JMJD1C: variants seen among roughly 807,000 people sequenced by gnomAD.
JMJD1C encodes jumonji domain containing 1C.
In JMJD1C, 31 loss-of-function variants were observed where a neutral mutation model predicts 245.3. The ratio of observed to expected loss-of-function variants is 0.13; its 90% CI spans 0.09 to 0.17. The LOEUF is 0.17. Ranked by LOEUF, JMJD1C falls within the 10% of genes least tolerant of loss-of-function variation. The probability of loss-of-function intolerance (pLI) is 1.00; values close to 1 mark genes in which losing one functional copy is unlikely to be tolerated. For missense variants in JMJD1C, 2,691 were observed against 3,000.2 expected, an observed-to-expected ratio of 0.90 and a Z score of 2.41; for synonymous variants, 1,057 against 1,017.4, an observed-to-expected ratio of 1.04 and a Z score of -0.74.
At chr10:63,173,379 T>C (rs1387921985) in intron 24 of JMJD1C, among the ~76,000 whole-genome samples, 2 of 152,106 alleles carry the variant, frequency 1.3e-5, no homozygotes, top group Non-Finnish European at 2.9e-5. Flanking sequence ...GTAGATACTA[T>C]GAAAATACCA....
chr10:63,370,178 C>T (rs955192707), intron 2 of JMJD1C, among the ~76,000 whole-genome samples: 2 of 152,156 alleles, frequency 1.3e-5, no homozygotes, highest in African/African-American at 4.8e-5. Flanking sequence ...GATTTTAATT[C>T]GTATACTTTC....
intron 1 of JMJD1C, among the ~76,000 whole-genome samples, chr10:63,477,530 G>A (rs1355849878): frequency 1.1e-4 from 16 of 141,812 alleles, no homozygotes; most frequent in Admixed American, 7.4e-4. Flanking sequence ...AAATGGTGCC[G>A]GAACAATTTG....
At chr10:63,264,143 A>C (rs1855225680) in intron 3 of JMJD1C, among the ~76,000 whole-genome samples, 1 of 152,046 alleles carries the variant, frequency 6.6e-6, no homozygotes, top group Non-Finnish European at 1.5e-5. Flanking sequence ...ATGTTTTCCT[A>C]ATTAAATGTA....
chr10:63,260,851 A>G (rs189230712), intron 3 of JMJD1C, among the ~76,000 whole-genome samples: 426 of 152,228 alleles, frequency 2.8e-3, no homozygotes, highest in Non-Finnish European at 4.1e-3. Flanking sequence ...TCGGCTTCTC[A>G]AAGTGCTGGG....
intron 2 of JMJD1C, among the ~76,000 whole-genome samples, chr10:63,340,249 C>T (rs1943245957): frequency 6.6e-6 from 1 of 152,174 alleles, no homozygotes; most frequent in Non-Finnish European, 1.5e-5. Context: ...AAAAAAGACC[C>T]TCTCAGCCCC....
chr10:63,432,353 T>A (rs1383980577), intron 1 of JMJD1C, among the ~76,000 whole-genome samples: 1 of 152,196 alleles, frequency 6.6e-6, no homozygotes, highest in Non-Finnish European at 1.5e-5. Flanking sequence ...TCCTCCTTAC[T>A]TGGTGCAAGT....
intron 1 of JMJD1C, chr10:63,427,629 G>C: frequency 2.2e-6 from 3 of 1,369,820 alleles, no homozygotes; most frequent in Non-Finnish European, 3.1e-6. Context: ...TGGAGAAACA[G>C]TGTGTTTACT....
At chr10:63,410,419 A>C (rs980810895) in intron 1 of JMJD1C, among the ~76,000 whole-genome samples, 14 of 152,198 alleles carry the variant, frequency 9.2e-5, no homozygotes, top group Non-Finnish European at 1.9e-4. Flanking sequence ...TACTGTTAAT[A>C]CTGTGAAGGA....
chr10:63,389,755 C>A (rs1370395395), intron 1 of JMJD1C, among the ~76,000 whole-genome samples: 1 of 151,848 alleles, frequency 6.6e-6, no homozygotes, highest in Non-Finnish European at 1.5e-5. Context: ...GGGAAGTGTA[C>A]GAATACATGG....
At chr10:63,513,121 A>T (rs987199815) in intron 1 of JMJD1C, among the ~76,000 whole-genome samples, 3 of 151,650 alleles carry the variant, frequency 2.0e-5, no homozygotes, top group African/African-American at 7.3e-5. Flanking sequence ...TTAATCCTAT[A>T]TTTTTTTTAA....
intron 1 of JMJD1C, chr10:63,428,087 C>G: frequency 2.1e-6 from 1 of 466,438 alleles, no homozygotes; most frequent in East Asian, 3.2e-5. Flanking sequence ...ATTAAGACAG[C>G]TGATCAATTA....
intron 2 of JMJD1C, among the ~76,000 whole-genome samples, chr10:63,309,985 A>G (rs1048903853): frequency 6.6e-6 from 1 of 152,222 alleles, no homozygotes; most frequent in East Asian, 1.9e-4. Context: ...CTACTGGACA[A>G]AAGATCACGT....
intron 1 of JMJD1C, among the ~76,000 whole-genome samples, chr10:63,415,854 C>A (rs909705266): frequency 2.6e-5 from 4 of 152,166 alleles, no homozygotes; most frequent in Non-Finnish European, 4.4e-5. Context: ...TCACTTCATT[C>A]TTAAACATTA....
intron 2 of JMJD1C, among the ~76,000 whole-genome samples, chr10:63,331,933 C>T (rs1056844386): frequency 6.6e-6 from 1 of 152,162 alleles, no homozygotes; most frequent in Non-Finnish European, 1.5e-5. Flanking sequence ...TAACAACCAA[C>T]ATACCACAGA....
intron 2 of JMJD1C, among the ~76,000 whole-genome samples, chr10:63,310,235 T>C (rs1483573740): frequency 6.6e-6 from 1 of 152,200 alleles, no homozygotes; most frequent in East Asian, 1.9e-4. Flanking sequence ...TAAAATAATA[T>C]ATAAATTCAA....
Position 63,440,355 on chromosome 10 carries a change from T to A in JMJD1C, c.168+25140A>T, listed in dbSNP as rs534144877. Reference sequence around the variant, plus strand: ...TGTCTCAAAAGAAAAAAAAAAAAAATATATATATATAGAGAGAGAGAGAGA... The same window carrying A: ...TGTCTCAAAAGAAAAAAAAAAAAAAAATATATATATAGAGAGAGAGAGAGA... On this transcript the variant is annotated intron_variant, in intron 1 of 25. Coordinates refer to ENST00000399262, the MANE Select transcript of JMJD1C (RefSeq NM_032776.3). Among the ~76,000 whole-genome samples the A allele has an allele frequency of 1.4e-3, 174 of 128,238 alleles. 2 individuals carry two copies. The highest frequency in any genetic ancestry group is 0.011 in the South Asian group (47 of 4,246). The allele number at this position is 128,238 out of a possible 152,430, so 84.1% of individuals were successfully genotyped here.
chr10:63,220,452 T>C (rs969031814), intron 3 of JMJD1C, among the ~76,000 whole-genome samples: 1 of 152,226 alleles, frequency 6.6e-6, no homozygotes, highest in East Asian at 1.9e-4. Context: ...CTGATTTAAA[T>C]GTCATCAAAT....
intron 1 of JMJD1C, among the ~76,000 whole-genome samples, chr10:63,414,121 G>A (rs1278344162): frequency 6.6e-6 from 1 of 151,740 alleles, no homozygotes; most frequent in Non-Finnish European, 1.5e-5. Flanking sequence ...CGAGTAGCTG[G>A]GACTGCAGGT....
chr10:63,168,234 G>T, intron 25 of JMJD1C, 100 bp from the exon 26 acceptor site: 1 of 1,055,958 alleles, frequency 9.5e-7, no homozygotes, highest in Non-Finnish European at 1.4e-6. Flanking sequence ...AACTAGGAAA[G>T]CCAAATATAA....
Sources: allele counts gnomAD v4.1 joint callset (sites outside exome capture counted in the v4.1 genomes callset), GRCh38; gene constraint gnomAD v4.1.1; transcripts MANE v1.5; gene names NCBI Gene and HGNC (gene_info 2026-07-23, HGNC 2026-07-21).